B3GALT1: variants seen among roughly 807,000 people sequenced by gnomAD.
The protein encoded by B3GALT1 is UDP-Gal:betaGlcNAc beta 1,3-galactosyltransferase, polypeptide 1.
A neutral mutation model predicts 23.2 loss-of-function variants in B3GALT1; 10 were observed. The ratio of observed to expected loss-of-function variants is 0.43; its 90% CI spans 0.27 to 0.73. The LOEUF (loss-of-function observed/expected upper bound fraction) is 0.73. Among genes scored for constraint, B3GALT1 ranks in the 30% least tolerant of loss-of-function variants. B3GALT1 has a pLI of 0.21. For synonymous variants in B3GALT1, 156 were observed against 141.5 expected (o/e 1.10, Z -0.73); for missense variants, 299 against 405.4 (o/e 0.74, Z 2.25).
At chr2:167,563,309 C>T in intron 2 of B3GALT1, among the ~76,000 whole-genome samples, 1 of 133,336 alleles carries the variant, frequency 7.5e-6, no homozygotes, top group Admixed American at 7.0e-5. Flanking sequence ...GGCGGCCGGG[C>T]AGAGGCGCCC....
chr2:167,818,862 A>C (rs1689049282), intron 4 of B3GALT1, among the ~76,000 whole-genome samples, 69 bp downstream of exon 4: 1 of 152,248 alleles, frequency 6.6e-6, no homozygotes, highest in Admixed American at 6.5e-5. Flanking sequence ...AGGAAAAATA[A>C]CAGCAACTCT....
intron 3 of B3GALT1, among the ~76,000 whole-genome samples, chr2:167,666,948 A>G (rs1246300853): frequency 2.0e-5 from 3 of 152,084 alleles, no homozygotes; most frequent in Admixed American, 6.5e-5. Flanking sequence ...TAGTCCATTT[A>G]CATTTAAAGT....
chr2:167,752,212 G>C (rs1238253402), intron 3 of B3GALT1, among the ~76,000 whole-genome samples: 4 of 152,106 alleles, frequency 2.6e-5, no homozygotes, highest in Admixed American at 2.6e-4. Context: ...ATTATGCACA[G>C]TAGACACTTC....
intron 2 of B3GALT1, among the ~76,000 whole-genome samples, chr2:167,632,994 C>T (rs1049676548): frequency 1.6e-4 from 24 of 151,878 alleles, no homozygotes; most frequent in Admixed American, 1.3e-3. Context: ...GGAAGGGGTC[C>T]GGTTTCAGTT....
intron 1 of B3GALT1, among the ~76,000 whole-genome samples, chr2:167,484,831 A>T (rs563113511): frequency 5.2e-4 from 79 of 152,304 alleles, no homozygotes; most frequent in African/African-American, 1.7e-3. Context: ...CCCTCACAAG[A>T]GACAACTTTG....
At chr2:167,558,095 T>G (rs1246170238) in intron 2 of B3GALT1, 3 of 152,200 alleles carry the variant, frequency 2.0e-5, no homozygotes, top group Non-Finnish European at 2.9e-5. Flanking sequence ...AAAACTGAGG[T>G]GCTCTCTAAT....
chr2:167,307,424 T>C (rs955320412), intron 1 of B3GALT1, among the ~76,000 whole-genome samples: 3 of 152,200 alleles, frequency 2.0e-5, no homozygotes, highest in African/African-American at 2.4e-5. Flanking sequence ...TGTCATCTTA[T>C]GTCTGAAGCA....
chr2:167,744,266 A>G (rs184156347), intron 3 of B3GALT1, among the ~76,000 whole-genome samples: 215 of 152,266 alleles, frequency 1.4e-3, no homozygotes, highest in Admixed American at 2.4e-3. Flanking sequence ...TCATATATTC[A>G]TCATTTTTAT....
intron 3 of B3GALT1, among the ~76,000 whole-genome samples, chr2:167,726,730 G>T (rs115457615): frequency 0.017 from 2,617 of 152,336 alleles, 36 homozygotes; most frequent in Middle Eastern, 0.024. Context: ...AACACAACTG[G>T]TATGTAGCAG....
At chr2:167,411,654 A>G (rs978038057) in intron 1 of B3GALT1, among the ~76,000 whole-genome samples, 1 of 152,186 alleles carries the variant, frequency 6.6e-6, no homozygotes, top group African/African-American at 2.4e-5. Flanking sequence ...AACTGTATGG[A>G]TGTTCCTCAA....
chr2:167,646,313 A>G (rs1685747998), intron 2 of B3GALT1, among the ~76,000 whole-genome samples: 2 of 152,280 alleles, frequency 1.3e-5, no homozygotes, highest in Admixed American at 1.3e-4. Context: ...ACTCATGGGT[A>G]GGACCCAGGG....
chr2:167,729,376 A>G (rs1314552705), intron 3 of B3GALT1, among the ~76,000 whole-genome samples: 1 of 152,234 alleles, frequency 6.6e-6, no homozygotes, highest in Admixed American at 6.5e-5. Context: ...GCAAGTACAA[A>G]TAGTTAACAC....
At chr2:167,554,749 T>A (rs899995213) in intron 2 of B3GALT1, among the ~76,000 whole-genome samples, 2 of 152,194 alleles carry the variant, frequency 1.3e-5, no homozygotes, top group African/African-American at 4.8e-5. Context: ...TATCCAAAAT[T>A]TAAGACTAAA....
At chr2:167,527,986 T>G (rs1265701918) in intron 2 of B3GALT1, among the ~76,000 whole-genome samples, 1 of 152,208 alleles carries the variant, frequency 6.6e-6, no homozygotes, top group South Asian at 2.1e-4. Flanking sequence ...AGACATTGGA[T>G]AACATTATAA....
At chr2:167,397,848 C>T (rs192687367) in intron 1 of B3GALT1, among the ~76,000 whole-genome samples, 118 of 152,180 alleles carry the variant, frequency 7.8e-4, no homozygotes, top group African/African-American at 2.6e-3. Context: ...CTGTCTCCAC[C>T]ATTCCCAGGC....
intron 3 of B3GALT1, among the ~76,000 whole-genome samples, chr2:167,725,684 G>A (rs1375317): frequency 0.17 from 25,871 of 151,958 alleles, 2,506 homozygotes; most frequent in Non-Finnish European, 0.23. Context: ...AATAAATATG[G>A]CCCTGGAAAA....
intron 2 of B3GALT1, among the ~76,000 whole-genome samples, chr2:167,525,005 A>G (rs955608754): frequency 1.3e-5 from 2 of 152,364 alleles, no homozygotes; most frequent in South Asian, 2.1e-4. Context: ...ATGTTGCAGT[A>G]AACTATCATG....
rs117663960 is a variant in B3GALT1, at chr2:167,356,032, A to G, written c.-511+62698A>G. On this transcript the variant is annotated intron_variant, in intron 1 of 4. Coordinates refer to ENST00000392690, the MANE Select transcript of B3GALT1 (RefSeq NM_020981.4). Reference sequence around the variant, plus strand: ...AATGTTTACAGCAACTGAGCATATCAAGTTCTTCAAGGAAAATGAGAAACT... The same window carrying G: ...AATGTTTACAGCAACTGAGCATATCGAGTTCTTCAAGGAAAATGAGAAACT... 1.2e-3 allele frequency among the ~76,000 whole-genome samples: 182 copies of G among 152,290 alleles called. 2 individuals are homozygous for G. The East Asian group carries it at 0.023, about 19-fold the overall frequency.
intron 3 of B3GALT1, among the ~76,000 whole-genome samples, chr2:167,804,501 C>CA: frequency 6.6e-6 from 1 of 152,114 alleles, no homozygotes; most frequent in African/African-American, 2.4e-5. Context: ...AAACAGGCCC[C>CA]AGTGTGTGAT....
Sources: gnomAD v4.1 joint callset for allele counts (sites outside exome capture counted in the v4.1 genomes callset) on GRCh38, gnomAD v4.1.1 for gene constraint, MANE v1.5 for transcripts, NCBI Gene and HGNC (gene_info 2026-07-23, HGNC 2026-07-21) for gene names.